Variants in FUT9 observed in about 807,000 individuals in gnomAD.
FUT9 encodes the protein fucosyltransferase 9.
In FUT9, 15 loss-of-function variants were observed where a neutral mutation model predicts 29.7. The observed-to-expected ratio is 0.51, with a 90% confidence interval of 0.34 to 0.78. The LOEUF is 0.78. Among genes scored for constraint, FUT9 ranks in the 30% least tolerant of loss-of-function variants. FUT9 has a pLI of 0.01. For missense variants in FUT9, 319 were observed against 425.4 expected (o/e 0.75, Z 2.20); for synonymous variants, 169 against 153.7 (o/e 1.10, Z -0.74).
In FUT9 at chr6:96,205,855, T is replaced by C. The variant is rs1274521545; in HGVS notation, c.*1620T>C. The C allele has an allele frequency of 6.0e-6, 1 of 166,964 alleles. No individual in the cohort carries two copies. The highest frequency in any genetic ancestry group is 2.4e-5 in the African/African-American group (1 of 41,436). 10.3% of individuals were successfully genotyped at this position (166,964 alleles called of 1,614,324 possible). On this transcript the variant is annotated 3_prime_UTR_variant, in exon 3 of 3. Coordinates refer to ENST00000302103, the MANE Select transcript of FUT9 (RefSeq NM_006581.4). ...CATAGATCCAGCTATCCAGACTATC[T>C]TGTGAGAGAATAAGCTCACCCCAGC... is the stretch of plus-strand genomic sequence containing the variant.
chr6:96,018,838 G>C (rs11960949), intron 1 of FUT9, among the ~76,000 whole-genome samples: 14,369 of 151,718 alleles, frequency 0.095, 1,851 homozygotes, highest in African/African-American at 0.28. Context: ...AGAGAGAAAG[G>C]CTTCAACCCC....
At chr6:96,132,569 A>G (rs1206235860) in intron 2 of FUT9, among the ~76,000 whole-genome samples, 1 of 152,094 alleles carries the variant, frequency 6.6e-6, no homozygotes, top group Non-Finnish European at 1.5e-5. Flanking sequence ...GACTGACACC[A>G]AAAGAGAAAG....
At chr6:96,019,055 A>G (rs1465258066) in intron 1 of FUT9, among the ~76,000 whole-genome samples, 2 of 152,026 alleles carry the variant, frequency 1.3e-5, no homozygotes, top group Non-Finnish European at 2.9e-5. Context: ...TAGCAATAAT[A>G]ATACAAGTTT....
rs1284210250 is a variant in FUT9 at position 96,213,559 on chromosome 6, G to C, written c.*9324G>C. ...ATAATGCCAAATGTACAGTTTATAG[G>C]TTCGTGTTATTTCTGATAAGAATTT... On this transcript the variant is annotated 3_prime_UTR_variant, in exon 3 of 3. Transcript: ENST00000302103. 6.0e-6 allele frequency: 1 copy of C among 166,710 alleles called. No individual in the cohort carries two copies. Among genetic ancestry groups the C allele is most frequent in the Non-Finnish European group, 1.5e-5 (1 of 67,988 alleles). The allele number at this position is 166,710 out of a possible 1,614,324, so 10.3% of individuals were successfully genotyped here.
At chr6:96,091,328 A>C (rs978596477) in intron 1 of FUT9, among the ~76,000 whole-genome samples, 1 of 152,196 alleles carries the variant, frequency 6.6e-6, no homozygotes, top group South Asian at 2.1e-4. Flanking sequence ...TTATTTTCTA[A>C]AAATTCAATT....
intron 1 of FUT9, among the ~76,000 whole-genome samples, chr6:96,101,819 ATT>A (rs202104817): frequency 2.2e-4 from 30 of 136,940 alleles, no homozygotes; most frequent in South Asian, 2.4e-4. Context: ...ACGCCCAGCT[ATT>A]TTTTTTTTTT....
intron 2 of FUT9, among the ~76,000 whole-genome samples, chr6:96,115,675 C>A (rs1771897402): frequency 6.6e-6 from 1 of 152,108 alleles, no homozygotes; most frequent in South Asian, 2.1e-4. Context: ...GGTTCTGCTA[C>A]CTAATGAATT....
At chr6:96,166,108 A>AAG (rs1184721682) in intron 2 of FUT9, among the ~76,000 whole-genome samples, 5 of 151,856 alleles carry the variant, frequency 3.3e-5, no homozygotes, top group East Asian at 1.9e-4. Context: ...TTTAAAACAA[A>AAG]AGAGAGAGAG....
chr6:96,160,027 T>A (rs1459158320), intron 2 of FUT9, among the ~76,000 whole-genome samples: 1 of 152,172 alleles, frequency 6.6e-6, no homozygotes, highest in Admixed American at 6.6e-5. Flanking sequence ...ACAGATAAAA[T>A]CAGAGGATAG....
intron 1 of FUT9, among the ~76,000 whole-genome samples, chr6:96,032,463 T>C (rs899730917): frequency 6.6e-6 from 1 of 151,610 alleles, no homozygotes; most frequent in East Asian, 1.9e-4. Flanking sequence ...AGACAAGTAG[T>C]AAGGAAAGAA....
At chr6:96,188,254 G>T (rs1375902752) in intron 2 of FUT9, among the ~76,000 whole-genome samples, 1 of 151,714 alleles carries the variant, frequency 6.6e-6, no homozygotes, top group Non-Finnish European at 1.5e-5. Context: ...TCTCTCTTTT[G>T]TGTGTGTGTG....
At chr6:96,078,464 A>G (rs1052529441) in intron 1 of FUT9, among the ~76,000 whole-genome samples, 5 of 113,528 alleles carry the variant, frequency 4.4e-5, no homozygotes, top group African/African-American at 1.7e-4. Flanking sequence ...TCTGTCCCAC[A>G]GGCTGGAGTG....
At chr6:96,179,095 A>G (rs1461776318) in intron 2 of FUT9, among the ~76,000 whole-genome samples, 2 of 152,228 alleles carry the variant, frequency 1.3e-5, no homozygotes, top group African/African-American at 2.4e-5. Flanking sequence ...CTGTAAATAT[A>G]TAGTTATTGG....
intron 2 of FUT9, among the ~76,000 whole-genome samples, chr6:96,182,830 C>G (rs7774878): frequency 1.3e-3 from 202 of 152,136 alleles, no homozygotes; most frequent in African/African-American, 4.7e-3. Flanking sequence ...CCAGGCTGTT[C>G]TGGTGACTAT....
At chr6:96,054,274 A>T (rs1258383845) in intron 1 of FUT9, among the ~76,000 whole-genome samples, 1 of 152,204 alleles carries the variant, frequency 6.6e-6, no homozygotes, top group Non-Finnish European at 1.5e-5. Flanking sequence ...ACAAAAATGA[A>T]AGAGATAGAT....
chr6:96,212,044 C>A lies in FUT9; in HGVS notation c.*7809C>A. On this transcript the variant is annotated 3_prime_UTR_variant, in exon 3 of 3. Coordinates refer to ENST00000302103, the MANE Select transcript of FUT9 (RefSeq NM_006581.4). ...AAAGTTATGCTAACATGCTAACTTT[C>A]CACACATGGCTGCATTCCATTTTGA... The A allele has an allele frequency of 2.4e-6, 1 of 412,164 alleles. No individual in the cohort carries two copies. The highest frequency in any genetic ancestry group is 4.4e-6 in the Non-Finnish European group (1 of 225,150). 25.5% of individuals were successfully genotyped at this position (412,164 alleles called of 1,614,324 possible).
intron 1 of FUT9, among the ~76,000 whole-genome samples, chr6:96,092,959 A>G (rs1771436356): frequency 6.6e-6 from 1 of 152,030 alleles, no homozygotes; most frequent in Non-Finnish European, 1.5e-5. Context: ...ATAGAGACAG[A>G]GTCTTGCTAT....
In FUT9 at chr6:96,078,408, CTTTTTTTTTTTT is replaced by C. The variant is rs71012536; in HGVS notation, c.-97-35612_-97-35601del. 2.4e-3 allele frequency among the ~76,000 whole-genome samples: 105 copies of C among 44,202 alleles called. 4 individuals are homozygous for C. The highest frequency in any genetic ancestry group is 8.5e-3 in the Admixed American group (18 of 2,124). The allele number at this position is 44,202 out of a possible 152,430, so 29.0% of individuals were successfully genotyped here. On this transcript the variant is annotated intron_variant, in intron 1 of 2. Coordinates refer to ENST00000302103, the MANE Select transcript of FUT9 (RefSeq NM_006581.4). ...GATCTCTTTCTTTCATATTAGTCTT[CTTTTTTTTTTTT>C]TTTTTTTTTTTTTTTTTTGAGACGG...
At chr6:96,179,907 C>A (rs1263348730) in intron 2 of FUT9, among the ~76,000 whole-genome samples, 1 of 152,040 alleles carries the variant, frequency 6.6e-6, no homozygotes, top group East Asian at 1.9e-4. Flanking sequence ...AAAGATGAGA[C>A]AAAATCAAGT....
Sources: gnomAD v4.1 joint callset for allele counts (sites outside exome capture counted in the v4.1 genomes callset) on GRCh38, gnomAD v4.1.1 for gene constraint, MANE v1.5 for transcripts, NCBI Gene and HGNC (gene_info 2026-07-23, HGNC 2026-07-21) for gene names.